The following C8orf34 variants were observed in gnomAD, a reference collection of about 807,000 sequenced individuals.
C8orf34 encodes chromosome 8 open reading frame 34, also known as uncharacterized protein C8orf34.
A neutral mutation model predicts 68.3 loss-of-function variants in C8orf34; 65 were observed. That is an observed-to-expected ratio of 0.95 (90% CI 0.78 to 1.17). The LOEUF (loss-of-function observed/expected upper bound fraction) is 1.17, where lower values mean the gene tolerates loss of function less well. Among genes scored for constraint, C8orf34 ranks in the 50% most tolerant of loss-of-function variants. The pLI, the probability that C8orf34 is intolerant of heterozygous loss-of-function variation, is 0.00. For missense variants in C8orf34, 664 were observed against 655.4 expected, an observed-to-expected ratio of 1.01 and a Z score of -0.14; for synonymous variants, 244 against 241.2, an observed-to-expected ratio of 1.01 and a Z score of -0.11.
At chr8:68,349,108 A>G (rs1022890724) in intron 1 of C8orf34, among the ~76,000 whole-genome samples, 1 of 151,946 alleles carries the variant, frequency 6.6e-6, no homozygotes, top group Middle Eastern at 3.2e-3. Flanking sequence ...TGCATTTTTC[A>G]TAGATGGCTC....
At chr8:68,731,168 T>C (rs1250670404) in intron 10 of C8orf34, among the ~76,000 whole-genome samples, 2 of 152,162 alleles carry the variant, frequency 1.3e-5, no homozygotes. Flanking sequence ...CTTTACATGT[T>C]CCTCTCCTTC....
At chr8:68,330,794 GACACACAC>G (rs201054752), upstream of C8orf34, 1 of 406,608 alleles carries the variant, frequency 2.5e-6, no homozygotes, top group Non-Finnish European at 4.3e-6. Flanking sequence ...CGCGCGCACG[GACACACAC>G]ACACACGCAC....
At chr8:68,777,167 G>A (rs887493369) in intron 11 of C8orf34, among the ~76,000 whole-genome samples, 2 of 152,218 alleles carry the variant, frequency 1.3e-5, no homozygotes, top group Non-Finnish European at 1.5e-5. Flanking sequence ...AAAGGATTTT[G>A]TGGTTGCCCA....
At position 68,818,219 on chromosome 8, in the gene C8orf34, GT is replaced by G; in HGVS notation, c.1610-17del. 1 of 1,611,662 alleles carries G rather than the reference GT, an allele frequency of 6.2e-7. No individual in the cohort carries two copies. The highest frequency in any genetic ancestry group is 8.5e-7 in the Non-Finnish European group (1 of 1,178,822). The stretch of plus-strand genomic sequence containing the variant: ...CATGTTATTAAGCACATTTTCTTCT[GT>G]TTCATTTCTCCTCTGCAGGTTTGTG... On this transcript the variant is annotated intron_variant, in intron 13 of 13. Coordinates refer to ENST00000518698, the MANE Select transcript of C8orf34 (RefSeq NM_052958.4).
intron 5 of C8orf34, among the ~76,000 whole-genome samples, chr8:68,501,904 CAGT>C (rs1813790390): frequency 6.6e-6 from 1 of 152,106 alleles, no homozygotes; most frequent in Non-Finnish European, 1.5e-5. Flanking sequence ...AGGGAAAGAT[CAGT>C]CAATTTTGTT....
intron 12 of C8orf34, among the ~76,000 whole-genome samples, chr8:68,787,782 A>G (rs1186693408): frequency 6.6e-6 from 1 of 152,202 alleles, no homozygotes; most frequent in Non-Finnish European, 1.5e-5. Context: ...TCTAAAGACC[A>G]ACATAGACTG....
In C8orf34 at chr8:68,527,539, T is replaced by A. The variant is rs1815061652; in HGVS notation, c.939-5444T>A. On this transcript the variant is annotated intron_variant, in intron 6 of 13. Transcript: ENST00000518698. ...GTGAGCTGAGATCGTGCCACTGCAC[T>A]CCAGGCTGGGTGACAGAGCAAGACT... Among the ~76,000 whole-genome samples, 3 of 152,190 alleles carry A rather than the reference T, an allele frequency of 2.0e-5. No individual in the cohort carries two copies. In the South Asian group the frequency reaches 6.2e-4, roughly 32 times the overall value.
chr8:68,542,692 T>A (rs914374078), intron 7 of C8orf34, among the ~76,000 whole-genome samples: 1 of 152,192 alleles, frequency 6.6e-6, no homozygotes, highest in African/African-American at 2.4e-5. Context: ...AGCTTTCAAC[T>A]GAGAGATAGA....
At chr8:68,761,375 C>A (rs1385424294) in intron 10 of C8orf34, among the ~76,000 whole-genome samples, 7 of 152,182 alleles carry the variant, frequency 4.6e-5, no homozygotes, top group Non-Finnish European at 1.0e-4. Flanking sequence ...CCTGAAACTT[C>A]CTGCTCCCAC....
intron 1 of C8orf34, among the ~76,000 whole-genome samples, chr8:68,389,555 C>T (rs1166527123): frequency 6.6e-6 from 1 of 152,148 alleles, no homozygotes; most frequent in Non-Finnish European, 1.5e-5. Flanking sequence ...TTGTTATCCA[C>T]ATGGTACATT....
Position 68,599,861 on chromosome 8 carries a change from T to C in C8orf34, c.1106-40515T>C, listed in dbSNP as rs995308878. ...ATGAAAAGACAAAAAAGTATATGTG[T>C]GTGTATACAGACACACACACAAACA... is the stretch of plus-strand genomic sequence containing the variant. On this transcript the variant is annotated intron_variant, in intron 7 of 13. Coordinates refer to ENST00000518698, the MANE Select transcript of C8orf34 (RefSeq NM_052958.4). Among the ~76,000 whole-genome samples the C allele has an allele frequency of 3.3e-5, 5 of 151,976 alleles. No individual in the cohort carries two copies. The East Asian group carries it at 9.7e-4, about 29-fold the overall frequency.
At chr8:68,392,669 T>A (rs1367318585) in intron 1 of C8orf34, among the ~76,000 whole-genome samples, 7 of 152,058 alleles carry the variant, frequency 4.6e-5, no homozygotes, top group African/African-American at 1.7e-4. Context: ...AATATTCAGA[T>A]TAAATATATA....
At chr8:68,558,647 A>T (rs1816329313) in intron 7 of C8orf34, among the ~76,000 whole-genome samples, 1 of 152,134 alleles carries the variant, frequency 6.6e-6, no homozygotes, top group African/African-American at 2.4e-5. Flanking sequence ...AAGCACAGGA[A>T]GAAATTTCTG....
chr8:68,594,419 G>A (rs1817482942), intron 7 of C8orf34, among the ~76,000 whole-genome samples: 1 of 151,330 alleles, frequency 6.6e-6, no homozygotes, highest in South Asian at 2.1e-4. Flanking sequence ...ATATTAAATT[G>A]TCTTTTATCT....
intron 7 of C8orf34, among the ~76,000 whole-genome samples, chr8:68,617,034 A>T (rs2130606024): frequency 6.6e-6 from 1 of 152,296 alleles, no homozygotes; most frequent in East Asian, 1.9e-4. Context: ...TCTCTTTACC[A>T]TTATGTAATG....
chr8:68,336,841 G>C (rs1805873783), intron 1 of C8orf34, among the ~76,000 whole-genome samples: 1 of 152,072 alleles, frequency 6.6e-6, no homozygotes, highest in Non-Finnish European at 1.5e-5. Context: ...AAGAATAGTA[G>C]GTATGTATCA....
chr8:68,594,763 A>G (rs1817493273), intron 7 of C8orf34, among the ~76,000 whole-genome samples: 1 of 152,156 alleles, frequency 6.6e-6, no homozygotes, highest in Admixed American at 6.6e-5. Context: ...ACTTTTGAAC[A>G]GTGAACTTAA....
At chr8:68,560,288 T>G (rs1039614919) in intron 7 of C8orf34, among the ~76,000 whole-genome samples, 5 of 142,068 alleles carry the variant, frequency 3.5e-5, no homozygotes, top group Non-Finnish European at 7.5e-5. Context: ...TCTGATCATT[T>G]TTTATTGTTC....
intron 7 of C8orf34, among the ~76,000 whole-genome samples, chr8:68,557,741 C>T (rs1816297987): frequency 6.6e-6 from 1 of 152,148 alleles, no homozygotes; most frequent in South Asian, 2.1e-4. Context: ...TTTTGGTATT[C>T]TGAGAATATG....
Sources: allele counts gnomAD v4.1 joint callset (sites outside exome capture counted in the v4.1 genomes callset), GRCh38; gene constraint gnomAD v4.1.1; transcripts MANE v1.5; gene names NCBI Gene and HGNC (gene_info 2026-07-23, HGNC 2026-07-21).